DISC1: variants seen among roughly 807,000 people sequenced by gnomAD.
DISC1 encodes DISC1 scaffold protein, also known as disrupted in schizophrenia 1 protein.
Under a neutral mutation model 84.5 loss-of-function variants are expected in DISC1, and 57 were observed. The observed-to-expected ratio is 0.67, with a 90% CI of 0.55 to 0.84. The LOEUF is 0.84. Among genes scored for constraint, DISC1 ranks in the 40% least tolerant of loss-of-function variants. The pLI, the probability that DISC1 is intolerant of heterozygous loss-of-function variation, is 0.00. For missense variants in DISC1, 1,000 were observed against 1,057.8 expected, an observed-to-expected ratio of 0.95 and a Z score of 0.76; for synonymous variants, 411 against 415.2, an observed-to-expected ratio of 0.99 and a Z score of 0.12.
intron 1 of DISC1, among the ~76,000 whole-genome samples, chr1:231,685,290 G>T (rs1387116194): frequency 6.6e-6 from 1 of 151,980 alleles, no homozygotes; most frequent in Non-Finnish European, 1.5e-5. Context: ...TACACATTTG[G>T]ATTTATATTT....
At chr1:231,742,822 A>C in intron 3 of DISC1, among the ~76,000 whole-genome samples, 1 of 152,196 alleles carries the variant, frequency 6.6e-6, no homozygotes, top group East Asian at 1.9e-4. Flanking sequence ...AGGCAGGAGG[A>C]TCGCTTGAGC....
chr1:231,784,711 C>T (rs894193036), intron 6 of DISC1, among the ~76,000 whole-genome samples: 1 of 152,122 alleles, frequency 6.6e-6, no homozygotes, highest in African/African-American at 2.4e-5. Flanking sequence ...TTGGTGAGCA[C>T]GAAGGTGAGT....
rs751383709 is a variant in DISC1, at chr1:231,701,937, C to T, written c.1048-18C>T. ...TTCTATTGTAATTTTTTATTTTTTC[C>T]CCTTTAAACCAACATAGGTAATATC... On this transcript the variant is annotated intron_variant, in intron 2 of 12. Coordinates refer to ENST00000439617, the MANE Select transcript of DISC1 (RefSeq NM_018662.3). 1.9e-6 allele frequency: 3 copies of T among 1,568,988 alleles called. No individual in the cohort carries two copies. Among genetic ancestry groups the T allele is most frequent in the Non-Finnish European group, 1.7e-6 (2 of 1,156,738 alleles).
intron 1 of DISC1, among the ~76,000 whole-genome samples, chr1:231,647,608 A>T (rs1422694165): frequency 6.6e-6 from 1 of 152,176 alleles, no homozygotes; most frequent in African/African-American, 2.4e-5. Context: ...AGTCATTGGT[A>T]GCTTGATGGG....
chr1:231,855,345 C>A (rs1049478154), intron 9 of DISC1: 1 of 972,040 alleles, frequency 1.0e-6, no homozygotes, highest in African/African-American at 1.8e-5. Flanking sequence ...GTCAATTAAA[C>A]AGTACATTAA....
At chr1:231,790,670 C>T (rs1406425575) in intron 6 of DISC1, among the ~76,000 whole-genome samples, 1 of 152,110 alleles carries the variant, frequency 6.6e-6, no homozygotes, top group East Asian at 1.9e-4. Flanking sequence ...AGGCGCCTGC[C>T]ACCACGCTCG....
At chr1:231,799,614 G>A (rs2079027897) in intron 7 of DISC1, among the ~76,000 whole-genome samples, 2 of 151,838 alleles carry the variant, frequency 1.3e-5, no homozygotes, top group African/African-American at 4.8e-5. Context: ...GTATGAGTGA[G>A]CCAAACCACC....
At chr1:231,818,807 A>G in intron 9 of DISC1, 1 of 1,222,712 alleles carries the variant, frequency 8.2e-7, no homozygotes, top group African/African-American at 1.5e-5. Flanking sequence ...CTCCCTTGGC[A>G]AGGTCTTGAG....
intron 9 of DISC1, among the ~76,000 whole-genome samples, chr1:231,902,209 G>A (rs1273456003): frequency 6.6e-6 from 1 of 152,112 alleles, no homozygotes; most frequent in Non-Finnish European, 1.5e-5. Flanking sequence ...CCCTGGATAA[G>A]TTGATGATCA....
At chr1:231,876,107 T>C (rs1022919982) in intron 9 of DISC1, among the ~76,000 whole-genome samples, 2 of 152,178 alleles carry the variant, frequency 1.3e-5, no homozygotes, top group Admixed American at 6.5e-5. Flanking sequence ...AAATCTCATG[T>C]TGAAATGTAA....
At chr1:231,793,981 A>G (rs967172645) in intron 6 of DISC1, among the ~76,000 whole-genome samples, 1 of 152,086 alleles carries the variant, frequency 6.6e-6, no homozygotes, top group Non-Finnish European at 1.5e-5. Flanking sequence ...TCAGGGTTTC[A>G]CCATGTTGGC....
intron 1 of DISC1, among the ~76,000 whole-genome samples, chr1:231,681,782 G>A (rs904321957): frequency 5.9e-5 from 9 of 151,810 alleles, no homozygotes; most frequent in Admixed American, 2.0e-4. Context: ...TGCAACCTCC[G>A]CCTCCTGGGT....
chr1:231,843,103 A>G (rs2083192850), intron 9 of DISC1, among the ~76,000 whole-genome samples: 1 of 152,190 alleles, frequency 6.6e-6, no homozygotes, highest in African/African-American at 2.4e-5. Context: ...AGATAAGTGT[A>G]TGATGGGGGG....
chr1:231,802,141 G>A (rs578016507), intron 8 of DISC1, among the ~76,000 whole-genome samples: 27 of 152,000 alleles, frequency 1.8e-4, no homozygotes, highest in Middle Eastern at 3.4e-3. Flanking sequence ...TCTATGATTC[G>A]CTTAGATTTA....
In DISC1 at chr1:231,886,344, A is replaced by G. The variant is rs533985960; in HGVS notation, c.1981+67827A>G. Among the ~76,000 whole-genome samples the G allele has an allele frequency of 5.3e-5, 8 of 152,366 alleles. No individual in the cohort carries two copies. In the East Asian group the frequency reaches 1.5e-3, roughly 29 times the overall value. Reference sequence around the variant, plus strand: ...ATGGTTTGCTAGTGGTAAATCTTCAAAACTCTTGGGTAGTTTCTGTGGATA... The same window carrying G: ...ATGGTTTGCTAGTGGTAAATCTTCAGAACTCTTGGGTAGTTTCTGTGGATA... On this transcript the variant is annotated intron_variant, in intron 9 of 12. Coordinates refer to ENST00000439617, the MANE Select transcript of DISC1 (RefSeq NM_018662.3).
In DISC1 at chr1:231,833,125, G is replaced by A. The variant is rs570722768; in HGVS notation, c.1981+14608G>A. Among the ~76,000 whole-genome samples, 26 of 150,682 alleles carry A rather than the reference G, an allele frequency of 1.7e-4. No individual in the cohort carries two copies. The South Asian group carries it at 5.0e-3, about 29-fold the overall frequency. On this transcript the variant is annotated intron_variant, in intron 9 of 12. Coordinates refer to ENST00000439617, the MANE Select transcript of DISC1 (RefSeq NM_018662.3). ...GGAAGAAGGGCGGCAATGAGATTCAGCTGTAGTCCAGGAATAGTCAGGGAA... is the reference window on the plus strand; with the variant it reads ...GGAAGAAGGGCGGCAATGAGATTCAACTGTAGTCCAGGAATAGTCAGGGAA...
chr1:231,904,031 GGCCCT>G (rs747185907), intron 9 of DISC1, among the ~76,000 whole-genome samples: 163 of 152,302 alleles, frequency 1.1e-3, no homozygotes, highest in Non-Finnish European at 1.9e-3. Context: ...CCAGGACACT[GGCCCT>G]GCAGGGAGTG....
At chr1:231,762,191 TTCTTTTCTTTTCTTTTCTTTTCTC>T (rs1379208669) in intron 4 of DISC1, among the ~76,000 whole-genome samples, 64 of 114,274 alleles carry the variant, frequency 5.6e-4, no homozygotes, top group African/African-American at 2.2e-3. Flanking sequence ...CTTCTTTTCT[TTCTTTTCTTTTCTTTTCTTTTCTC>T]TTCTTTTCTT....
intron 9 of DISC1, among the ~76,000 whole-genome samples, chr1:231,952,569 A>G (rs12136198): frequency 0.036 from 5,478 of 151,648 alleles, 287 homozygotes; most frequent in East Asian, 0.28. Context: ...AAATCACACA[A>G]TTAACCTCTC....
Sources: allele counts gnomAD v4.1 joint callset (sites outside exome capture counted in the v4.1 genomes callset), GRCh38; gene constraint gnomAD v4.1.1; transcripts MANE v1.5; gene names NCBI Gene and HGNC (gene_info 2026-07-23, HGNC 2026-07-21).